The following SASH1 variants were observed in gnomAD, a reference collection of about 807,000 sequenced individuals.
SASH1 encodes the protein SAM and SH3 domain containing 1.
In SASH1, 44 loss-of-function variants were observed where a neutral mutation model predicts 125.2. The observed-to-expected ratio is 0.35, with a 90% CI of 0.28 to 0.45. The LOEUF (loss-of-function observed/expected upper bound fraction) is 0.45. SASH1 is among the 20% of genes least tolerant of loss of function. The pLI is 1.00. For missense variants in SASH1, 1,426 were observed against 1,614.5 expected (o/e 0.88, Z 2.00); for synonymous variants, 639 against 649.1 (o/e 0.98, Z 0.24).
chr6:148,339,159 A>G (rs1187537534), upstream of SASH1, among the ~76,000 whole-genome samples: 8 of 152,100 alleles, frequency 5.3e-5, no homozygotes, highest in Non-Finnish European at 8.8e-5. Context: ...ATGGAAATTG[A>G]TAAGTAGAAA....
At chr6:148,517,579 C>T (rs571321498) in intron 9 of SASH1, among the ~76,000 whole-genome samples, 161 of 152,342 alleles carry the variant, frequency 1.1e-3, no homozygotes, top group South Asian at 2.7e-3. Flanking sequence ...TGGTCAGGCT[C>T]AGACGGAAAA....
intron 10 of SASH1, among the ~76,000 whole-genome samples, chr6:148,521,301 G>A (rs552474983): frequency 6.6e-6 from 1 of 152,340 alleles, no homozygotes; most frequent in African/African-American, 2.4e-5. Context: ...CCCTTTTAAA[G>A]ACCTGAAAGA....
chr6:148,508,519 G>T, intron 8 of SASH1: 1 of 1,015,830 alleles, frequency 9.8e-7, no homozygotes, highest in Non-Finnish European at 1.2e-6. Context: ...GGGATTGTTG[G>T]CCATGCACAA....
chr6:148,311,298 G>T (rs1467439454), intron 1 of SASH1, among the ~76,000 whole-genome samples: 1 of 151,456 alleles, frequency 6.6e-6, no homozygotes. Context: ...GTAGAGACAG[G>T]GTTTCACCAT....
In SASH1 at chr6:148,440,362, C is replaced by T. The variant is rs764307857; in HGVS notation, c.341C>T (p.Ser114Leu). 1.9e-5 allele frequency: 30 copies of T among 1,613,812 alleles called. No individual in the cohort carries two copies. Among genetic ancestry groups the T allele is most frequent in the African/African-American group, 5.3e-5 (4 of 74,848 alleles). The change falls in exon 4 of 20, where the codon TCG (serine) becomes TTG (leucine). Residue 114 changes from serine to leucine, a missense_variant. Physicochemically the swap from Ser to Leu is moderately radical, Grantham distance 145. This residue lies in a region of SASH1 where 567 missense variants were observed against 575.6 expected (regional missense o/e 0.99). Transcript: ENST00000367467. Reference sequence around the variant, plus strand: ...TATACGAATCTTCTCTCGTAGGAGTCGCTTGGCTTCTGTAGCGCCGTGTCA... The same window carrying T: ...TATACGAATCTTCTCTCGTAGGAGTTGCTTGGCTTCTGTAGCGCCGTGTCA... ...SLQLRSQIEE[S>L]LGFCSAVSTP...
intron 16 of SASH1, among the ~76,000 whole-genome samples, chr6:148,537,105 A>G (rs977809400): frequency 1.3e-5 from 2 of 152,232 alleles, no homozygotes; most frequent in African/African-American, 4.8e-5. Context: ...TCTAACTGAT[A>G]ACATGATAGG....
chr6:148,412,232 A>C (rs1355216284), intron 2 of SASH1, among the ~76,000 whole-genome samples: 1 of 152,118 alleles, frequency 6.6e-6, no homozygotes, highest in Non-Finnish European at 1.5e-5. Context: ...AATCACTTTT[A>C]TTTTTATTTT....
chr6:148,512,029 A>ATTTT (rs1473794919), intron 8 of SASH1, among the ~76,000 whole-genome samples: 18 of 145,542 alleles, frequency 1.2e-4, no homozygotes, highest in African/African-American at 3.9e-4. Flanking sequence ...TTATTTATTT[A>ATTTT]TTTTTTTGAG....
rs911409399 is a variant in SASH1 at position 148,529,851 on chromosome 6, G to A, written c.1429-1675G>A. ...AGACGGAGTGTCACTCTGTCACCCA[G>A]GCTGGAGTGCAATGGTGTGGCCTCG... On this transcript the variant is annotated intron_variant, in intron 12 of 19. Transcript: ENST00000367467. The surrounding 1 kb of genome is among the most constrained non-coding windows in gnomAD (Gnocchi z 4.2). Among the ~76,000 whole-genome samples, 14 of 151,972 alleles carry A rather than the reference G, an allele frequency of 9.2e-5. 1 individual carries two copies. Among genetic ancestry groups the A allele is most frequent in the Non-Finnish European group, 1.8e-4 (12 of 67,960 alleles).
intron 2 of SASH1, among the ~76,000 whole-genome samples, chr6:148,427,478 T>G (rs1408517400): frequency 6.6e-6 from 1 of 152,210 alleles, no homozygotes; most frequent in Non-Finnish European, 1.5e-5. Flanking sequence ...CACTCACATC[T>G]TATTGAAGTG....
the SASH1 span, among the ~76,000 whole-genome samples, chr6:148,216,891 C>T: frequency 6.6e-6 from 1 of 152,050 alleles, no homozygotes; most frequent in African/African-American, 2.4e-5. Context: ...CCATGCCCGG[C>T]TAATTTTTTT....
At chr6:148,504,890 A>G (rs998267387) in intron 8 of SASH1, among the ~76,000 whole-genome samples, 3 of 152,150 alleles carry the variant, frequency 2.0e-5, no homozygotes, top group African/African-American at 7.2e-5. Context: ...GGGGTGGACA[A>G]GGTCGGCTCT....
intron 1 of SASH1, among the ~76,000 whole-genome samples, chr6:148,370,703 G>A (rs1196001697): frequency 6.6e-6 from 1 of 151,892 alleles, no homozygotes; most frequent in Admixed American, 6.6e-5. Flanking sequence ...GGCGCCTGTA[G>A]TCCCAGCTAC....
chr6:148,299,018 T>A (rs949067663), intron 1 of SASH1, among the ~76,000 whole-genome samples: 3 of 152,156 alleles, frequency 2.0e-5, no homozygotes, highest in African/African-American at 7.2e-5. Flanking sequence ...AATTCACAAA[T>A]AAAAGCACAC....
intron 2 of SASH1, among the ~76,000 whole-genome samples, chr6:148,430,108 G>C (rs1463016605): frequency 1.3e-5 from 2 of 152,190 alleles, no homozygotes; most frequent in African/African-American, 4.8e-5. Context: ...GAGCGTATTG[G>C]GATTGGAGCT....
chr6:148,315,597 T>C (rs1216118413), intron 1 of SASH1, among the ~76,000 whole-genome samples: 2 of 152,200 alleles, frequency 1.3e-5, no homozygotes, highest in African/African-American at 2.4e-5. Context: ...GGGAGCTTTC[T>C]TACCCTGTCA....
chr6:148,360,572 A>G (rs1583020532), intron 1 of SASH1, among the ~76,000 whole-genome samples: 2 of 151,660 alleles, frequency 1.3e-5, no homozygotes, highest in African/African-American at 4.8e-5. Flanking sequence ...GGCTGGTCTC[A>G]AACTCCTGAC....
intron 7 of SASH1, among the ~76,000 whole-genome samples, chr6:148,486,172 G>A (rs1432833102): frequency 6.6e-6 from 1 of 152,122 alleles, no homozygotes; most frequent in African/African-American, 2.4e-5. Context: ...CCGGGCTGGA[G>A]TGCAGTGGTG....
Position 148,524,110 on chromosome 6 carries a change from TATA to T in SASH1, c.1210-1180_1210-1178del, listed in dbSNP as rs1251172165. 6.3e-3 allele frequency among the ~76,000 whole-genome samples: 597 copies of T among 94,456 alleles called. 10 individuals carry two copies. Among genetic ancestry groups the T allele is most frequent in the Admixed American group, 0.032 (335 of 10,488 alleles). 62.0% of individuals were successfully genotyped at this position (94,456 alleles called of 152,430 possible). On this transcript the variant is annotated intron_variant, in intron 10 of 19. Coordinates refer to ENST00000367467, the MANE Select transcript of SASH1 (RefSeq NM_015278.5). ...CAATTCAGTTAATTATATATATATA[TATA>T]TATATATATTTTTTTTAATGAATAA...
Sources: allele counts gnomAD v4.1 joint callset (sites outside exome capture counted in the v4.1 genomes callset), GRCh38; gene constraint gnomAD v4.1.1; regional missense constraint gnomAD v4.1.1; non-coding constraint Gnocchi (gnomAD v3.1); transcripts MANE v1.5; gene names NCBI Gene and HGNC (gene_info 2026-07-23, HGNC 2026-07-21).